HYDIN: variants seen among roughly 807,000 people sequenced by gnomAD.
HYDIN encodes the protein axonemal central pair apparatus protein HYDIN.
A neutral mutation model predicts 403.9 loss-of-function variants in HYDIN; 132 were observed. The observed-to-expected ratio is 0.33, with a 90% CI of 0.28 to 0.38. The LOEUF (loss-of-function observed/expected upper bound fraction) is 0.38. Among genes scored for constraint, HYDIN ranks in the 10% least tolerant of loss-of-function variants. The pLI, the probability that HYDIN is intolerant of heterozygous loss-of-function variation, is 1.00. For missense variants in HYDIN, 2,827 were observed against 5,009.5 expected, an observed-to-expected ratio of 0.56 and a Z score of 13.15; for synonymous variants, 1,202 against 1,891.7, an observed-to-expected ratio of 0.64 and a Z score of 9.46.
At chr16:71,017,548 T>C (rs1478902362) in intron 23 of HYDIN, among the ~76,000 whole-genome samples, 1 of 151,818 alleles carries the variant, frequency 6.6e-6, no homozygotes, top group African/African-American at 2.4e-5. Context: ...CAGTTCTTTA[T>C]AACAGTGTGA....
intron 58 of HYDIN, among the ~76,000 whole-genome samples, chr16:70,886,804 T>C (rs970520909): frequency 1.3e-5 from 2 of 152,218 alleles, no homozygotes; most frequent in Admixed American, 1.3e-4. Context: ...ATTTCTCTCT[T>C]GATGTGTTCA....
At chr16:71,158,347 T>C (rs1480958590) in intron 6 of HYDIN, among the ~76,000 whole-genome samples, 2 of 152,240 alleles carry the variant, frequency 1.3e-5, no homozygotes, top group African/African-American at 4.8e-5. Flanking sequence ...CATTTTACCT[T>C]AGAATTGTTT....
rs77238518 is a variant in HYDIN at position 71,187,293 on chromosome 16, G to A, written c.-23-375C>T. Among the ~76,000 whole-genome samples the A allele has an allele frequency of 8.5e-3, 1,299 of 152,136 alleles. 18 individuals carry two copies. Among genetic ancestry groups the A allele is most frequent in the African/African-American group, 0.03 (1,233 of 41,514 alleles). ...TTGAAAGCGCTCTCTTAGGAGAATC[G>A]ACCCTTCAAACAGAATAAATACAAG... On this transcript the variant is annotated intron_variant, in intron 1 of 85. Coordinates refer to ENST00000393567, the MANE Select transcript of HYDIN (RefSeq NM_001270974.2).
At chr16:71,040,169 G>C (rs1391548584) in intron 18 of HYDIN, among the ~76,000 whole-genome samples, 1 of 152,124 alleles carries the variant, frequency 6.6e-6, no homozygotes, top group African/African-American at 2.4e-5. Context: ...GTTTGATCTT[G>C]CTGGTGCCGA....
At chr16:71,137,527 C>T (rs1441221588) in intron 7 of HYDIN, among the ~76,000 whole-genome samples, 175 bp from the exon 8 acceptor site, 2 of 151,818 alleles carry the variant, frequency 1.3e-5, no homozygotes, top group Non-Finnish European at 2.9e-5. Flanking sequence ...AAATATTATG[C>T]TTGGTGCAGT....
intron 13 of HYDIN, among the ~76,000 whole-genome samples, chr16:71,073,132 G>C (rs2082521405): frequency 6.6e-6 from 1 of 152,238 alleles, no homozygotes. Context: ...AGAACAAGCA[G>C]ACTTTACCCA....
intron 18 of HYDIN, among the ~76,000 whole-genome samples, chr16:71,039,582 A>G (rs1158776629): frequency 6.6e-6 from 1 of 152,114 alleles, no homozygotes; most frequent in Non-Finnish European, 1.5e-5. Flanking sequence ...CTCAGCCAGC[A>G]GAGAGGAGAG....
chr16:71,078,571 C>A (rs571452292), intron 13 of HYDIN, among the ~76,000 whole-genome samples: 4 of 152,236 alleles, frequency 2.6e-5, no homozygotes, highest in African/African-American at 9.6e-5. Flanking sequence ...GTGGTGCAAT[C>A]ACAGCTCACT....
intron 57 of HYDIN, among the ~76,000 whole-genome samples, chr16:70,891,395 G>A (rs2041459507): frequency 1.3e-5 from 2 of 152,140 alleles, no homozygotes; most frequent in African/African-American, 2.4e-5. Flanking sequence ...CACCACATTG[G>A]CCAGGCTGGT....
At chr16:70,845,829 A>G (rs2143561933) in intron 75 of HYDIN, among the ~76,000 whole-genome samples, 1 of 136,206 alleles carries the variant, frequency 7.3e-6, no homozygotes, top group South Asian at 2.1e-4. Flanking sequence ...TTATTTGCGT[A>G]GAGGTGTTTG....
At chr16:71,060,186 T>C (rs1394513062) in intron 18 of HYDIN, among the ~76,000 whole-genome samples, 2 of 151,530 alleles carry the variant, frequency 1.3e-5, no homozygotes, top group South Asian at 2.1e-4. Flanking sequence ...AGCATCTTCC[T>C]GAACTGGGAT....
In HYDIN at chr16:71,116,171, C is replaced by T. The variant is rs1380344741; in HGVS notation, c.1228-376G>A. Among the ~76,000 whole-genome samples, 5 of 151,880 alleles carry T rather than the reference C, an allele frequency of 3.3e-5. No homozygotes were observed. In the East Asian group the frequency reaches 7.7e-4, roughly 23 times the overall value. ...CATCTCCCCATTTCCGCCCCCAATC[C>T]CACCCTCTGATGCCTGGTAACCACC... On this transcript the variant is annotated intron_variant, in intron 9 of 85. Transcript: ENST00000393567.
intron 1 of HYDIN, among the ~76,000 whole-genome samples, chr16:71,229,976 C>A (rs537956883): frequency 1.3e-5 from 2 of 152,060 alleles, no homozygotes; most frequent in African/African-American, 2.4e-5. Context: ...CTGAGTCTGA[C>A]GAGATTTGAT....
intron 18 of HYDIN, among the ~76,000 whole-genome samples, chr16:71,054,159 T>C (rs1298778145): frequency 2.6e-5 from 4 of 152,284 alleles, no homozygotes; most frequent in Non-Finnish European, 4.4e-5. Flanking sequence ...AAAAACTAAA[T>C]AGTATATTGT....
intron 7 of HYDIN, among the ~76,000 whole-genome samples, chr16:71,145,989 C>G (rs2085352062): frequency 6.6e-6 from 1 of 152,150 alleles, no homozygotes; most frequent in Non-Finnish European, 1.5e-5. Context: ...GAACTCAAAA[C>G]TCAACAAATA....
intron 73 of HYDIN, chr16:70,852,579 C>T (rs1352604195): frequency 7.2e-6 from 1 of 139,246 alleles, no homozygotes; most frequent in East Asian, 2.1e-4. Flanking sequence ...ACTACCTAAA[C>T]ATGTAAAGAA....
At position 70,844,937 on chromosome 16, in the gene HYDIN, T is replaced by G. The variant is rs1215857716; in HGVS notation, c.12874-4704A>C. On this transcript the variant is annotated intron_variant, in intron 75 of 85. Transcript: ENST00000393567. ...GTTGCTTATCAGCTTAAGGAGATTT[T>G]GGGCTGAGACGATGGGGTTTTCTAG... Among the ~76,000 whole-genome samples the G allele has an allele frequency of 1.7e-4, 25 of 143,462 alleles. No individual in the cohort carries two copies. In the East Asian group the frequency reaches 3.7e-3, roughly 21 times the overall value. 94.1% of individuals were successfully genotyped at this position (143,462 alleles called of 152,430 possible).
rs2083040404 is a variant in HYDIN at position 71,089,452 on chromosome 16, TAAG to T, written c.1447-931_1447-929del. On this transcript the variant is annotated intron_variant, in intron 11 of 85. Coordinates refer to ENST00000393567, the MANE Select transcript of HYDIN (RefSeq NM_001270974.2). ...ATAGGAACCACCCTCAACCTACACA[TAAG>T]GCTTTGGAGGACAAAGAGCATGAGA... Among the ~76,000 whole-genome samples, 3 of 151,880 alleles carry T rather than the reference TAAG, an allele frequency of 2.0e-5. No homozygotes were observed. The South Asian group carries it at 6.3e-4, about 32-fold the overall frequency.
rs1258124042 is a variant in HYDIN, at chr16:70,862,232, T to A, written c.11593A>T (p.Ser3865Cys). The A allele has an allele frequency of 1.2e-6, 2 of 1,612,890 alleles. No individual in the cohort carries two copies. The highest frequency in any genetic ancestry group is 2.2e-5 in the South Asian group (2 of 90,910). ...HQGSAQKDQL[S>C]QGTMHTGSTL... is the part of the protein sequence containing the mutation. ...CTGCCTGTATGCATCGTGCCCTGAC[T>A]AAGCTGATCTTTTTGAGCTGAACCT... The change falls in exon 69 of 86, where the codon AGT becomes TGT. Residue 3865 changes from serine (S) to cysteine (C), a missense_variant. Transcript: ENST00000393567.
Sources: allele counts gnomAD v4.1 joint callset (sites outside exome capture counted in the v4.1 genomes callset), GRCh38; gene constraint gnomAD v4.1.1; transcripts MANE v1.5; gene names NCBI Gene and HGNC (gene_info 2026-07-23, HGNC 2026-07-21).